PDZD2: variants seen among roughly 807,000 people sequenced by gnomAD.
PDZD2 encodes the protein PDZ domain-containing protein 2.
A neutral mutation model predicts 220.7 loss-of-function variants in PDZD2; 90 were observed. That is an observed-to-expected ratio of 0.41 (90% CI 0.34 to 0.49). PDZD2 has a LOEUF of 0.49. PDZD2 is among the 20% of genes least tolerant of loss of function. The pLI is 0.28. For missense variants in PDZD2, 3,174 were observed against 3,608.5 expected, an observed-to-expected ratio of 0.88 and a Z score of 3.08; for synonymous variants, 1,375 against 1,450.5, an observed-to-expected ratio of 0.95 and a Z score of 1.18.
intron 2 of PDZD2, among the ~76,000 whole-genome samples, chr5:31,875,360 G>A (rs1025886086): frequency 8.5e-5 from 13 of 152,120 alleles, no homozygotes; most frequent in African/African-American, 2.4e-4. Flanking sequence ...GAGGCAGACC[G>A]ATCACTTGAG....
At chr5:31,707,629 A>G (rs928082886) in intron 1 of PDZD2, among the ~76,000 whole-genome samples, 1 of 148,396 alleles carries the variant, frequency 6.7e-6, no homozygotes, top group Non-Finnish European at 1.5e-5. Flanking sequence ...GCTACTGCAA[A>G]AGTGAACTTG....
At chr5:31,849,365 C>G (rs558624532) in intron 2 of PDZD2, among the ~76,000 whole-genome samples, 4 of 151,708 alleles carry the variant, frequency 2.6e-5, no homozygotes, top group African/African-American at 9.6e-5. Flanking sequence ...TAATTATACC[C>G]ACTTCACAGG....
intron 1 of PDZD2, among the ~76,000 whole-genome samples, chr5:31,763,071 G>A (rs978512593): frequency 3.3e-5 from 5 of 152,158 alleles, no homozygotes; most frequent in African/African-American, 7.2e-5. Context: ...ACTAGAAATC[G>A]GAAATGCCTT....
intron 2 of PDZD2, among the ~76,000 whole-genome samples, chr5:31,846,153 A>T (rs1004257863): frequency 6.6e-6 from 1 of 152,176 alleles, no homozygotes; most frequent in African/African-American, 2.4e-5. Flanking sequence ...TTTTTCTTTG[A>T]GACGGAGTCT....
At chr5:31,743,137 A>C (rs1750368335) in intron 1 of PDZD2, among the ~76,000 whole-genome samples, 1 of 151,416 alleles carries the variant, frequency 6.6e-6, no homozygotes, top group Admixed American at 6.6e-5. Context: ...TTTAGTGTTG[A>C]GTATGTCATG....
chr5:31,813,449 CAAAAA>C (rs60551914), intron 2 of PDZD2, among the ~76,000 whole-genome samples: 4,786 of 93,922 alleles, frequency 0.051, 125 homozygotes, highest in African/African-American at 0.14. Flanking sequence ...GACTCCGTCT[CAAAAA>C]AAAAAAAAAA....
intron 1 of PDZD2, among the ~76,000 whole-genome samples, chr5:31,691,069 G>A (rs905205903): frequency 5.9e-5 from 9 of 152,182 alleles, no homozygotes; most frequent in Admixed American, 4.6e-4. Context: ...GAATGAAGCC[G>A]CGGACCCTCA....
chr5:31,744,846 G>A (rs1478420647), intron 1 of PDZD2, among the ~76,000 whole-genome samples: 4 of 151,980 alleles, frequency 2.6e-5, no homozygotes, highest in African/African-American at 9.7e-5. Flanking sequence ...TGAGGCGGGC[G>A]GATCTTGAGG....
At chr5:31,681,165 T>C (rs1746637312) in intron 1 of PDZD2, among the ~76,000 whole-genome samples, 1 of 152,204 alleles carries the variant, frequency 6.6e-6, no homozygotes. Flanking sequence ...AATTACTGTT[T>C]TTTTCTTTCA....
In PDZD2 at chr5:31,875,551, A is replaced by G. The variant is rs1251926039; in HGVS notation, c.476+75827A>G. On this transcript the variant is annotated intron_variant, in intron 2 of 24. Transcript: ENST00000438447. ...CAGTGAGCCGAGATCACACTACTGC[A>G]CTCCAGCCTAGGTGACAGAGTGAGA... 1.2e-4 allele frequency among the ~76,000 whole-genome samples: 18 copies of G among 149,894 alleles called. No individual in the cohort carries two copies. In the East Asian group the frequency reaches 2.5e-3, roughly 21 times the overall value.
Position 32,088,506 on chromosome 5 carries a change from G to T in PDZD2, c.5058G>T (p.Gln1686His). The T allele has an allele frequency of 6.2e-7, 1 of 1,614,106 alleles. No individual in the cohort carries two copies. The highest frequency in any genetic ancestry group is 8.5e-7 in the Non-Finnish European group (1 of 1,180,024). The change falls in exon 20 of 25, where the codon CAG (glutamine) becomes CAT (histidine). Residue 1686 changes from glutamine to histidine, a missense_variant. Transcript: ENST00000438447. The surrounding 1 kb of genome is among the most constrained non-coding windows in gnomAD (Gnocchi z 4.6). ...HETHADISTS[Q>H]NHRPSCAEET... ...CTCATGCGGACATAAGCACTTCACA[G>T]AACCACAGGCCCTCGTGTGCAGAAG...
chr5:31,946,151 C>T (rs373137654), intron 2 of PDZD2, among the ~76,000 whole-genome samples: 14 of 152,288 alleles, frequency 9.2e-5, no homozygotes, highest in African/African-American at 3.1e-4. Flanking sequence ...TACAGGCGTG[C>T]GCCACCACAC....
chr5:32,022,557 GC>G (rs1754307327), intron 6 of PDZD2, among the ~76,000 whole-genome samples: 1 of 152,024 alleles, frequency 6.6e-6, no homozygotes, highest in Admixed American at 6.6e-5. Flanking sequence ...TCCTCAAGGA[GC>G]CATGTGCAAT....
At chr5:31,784,636 TG>T (rs1403732455) in intron 1 of PDZD2, among the ~76,000 whole-genome samples, 2 of 152,066 alleles carry the variant, frequency 1.3e-5, no homozygotes, top group Non-Finnish European at 2.9e-5. Context: ...AGGCTAGGCG[TG>T]GTGGCTCACG....
intron 1 of PDZD2, among the ~76,000 whole-genome samples, chr5:31,777,960 G>C (rs1331317237): frequency 7.3e-6 from 1 of 137,842 alleles, no homozygotes; most frequent in African/African-American, 2.5e-5. Flanking sequence ...GGGACTTGGA[G>C]AACTTTTATG....
chr5:31,694,019 A>C (rs1014065923), intron 1 of PDZD2, among the ~76,000 whole-genome samples: 1 of 152,198 alleles, frequency 6.6e-6, no homozygotes, highest in Non-Finnish European at 1.5e-5. Context: ...AGGATTGAAT[A>C]TTGTTTTTAA....
chr5:32,045,439 C>G (rs1052462353), intron 7 of PDZD2, among the ~76,000 whole-genome samples: 4 of 148,726 alleles, frequency 2.7e-5, no homozygotes, highest in African/African-American at 9.9e-5. Flanking sequence ...TTTTTTTTCC[C>G]AAGACGGAAT....
chr5:32,072,103 C>G (rs1740803127), intron 16 of PDZD2, 58 bp from the exon 17 acceptor site: 5 of 1,261,080 alleles, frequency 4.0e-6, no homozygotes, highest in Non-Finnish European at 5.7e-6. Flanking sequence ...CGTAATAACC[C>G]TTGAAAGTCT....
At chr5:31,752,917 A>C (rs924971369) in intron 1 of PDZD2, among the ~76,000 whole-genome samples, 1 of 152,090 alleles carries the variant, frequency 6.6e-6, no homozygotes, top group Non-Finnish European at 1.5e-5. Flanking sequence ...TTCTGAGCTG[A>C]AATGCTCACA....
Sources: allele counts gnomAD v4.1 joint callset (sites outside exome capture counted in the v4.1 genomes callset), GRCh38; gene constraint gnomAD v4.1.1; non-coding constraint Gnocchi (gnomAD v3.1); transcripts MANE v1.5; gene names NCBI Gene and HGNC (gene_info 2026-07-23, HGNC 2026-07-21).